Variants in DCDC1 observed in about 807,000 individuals in gnomAD.
DCDC1 encodes doublecortin domain-containing protein 1.
In DCDC1, 200 loss-of-function variants were observed where a neutral mutation model predicts 178.3. That is an observed-to-expected ratio of 1.12 (90% CI 1.00 to 1.26). The LOEUF (loss-of-function observed/expected upper bound fraction) is 1.26. Ranked by LOEUF, DCDC1 falls within the 50% of genes most tolerant of loss-of-function variation. DCDC1 has a pLI of 0.00. For synonymous variants in DCDC1, 690 were observed against 604.8 expected (o/e 1.14, Z -2.07); for missense variants, 1,983 against 1,749.2 (o/e 1.13, Z -2.38).
chr11:31,175,762 C>T (rs1246611875), intron 9 of DCDC1, among the ~76,000 whole-genome samples: 3 of 152,210 alleles, frequency 2.0e-5, no homozygotes, highest in Admixed American at 2.0e-4. Context: ...CAAACTCTCA[C>T]AGGCTAGGCC....
chr11:31,124,685 A>C (rs1220172472), intron 11 of DCDC1, among the ~76,000 whole-genome samples: 2 of 152,176 alleles, frequency 1.3e-5, no homozygotes, highest in African/African-American at 2.4e-5. Flanking sequence ...CAATGGGGAA[A>C]AGATTCCCTA....
chr11:31,023,582 T>A (rs111355139), intron 20 of DCDC1, among the ~76,000 whole-genome samples: 1,963 of 152,108 alleles, frequency 0.013, 50 homozygotes, highest in African/African-American at 0.044. Context: ...TAGAAACATA[T>A]AATTACATAC....
chr11:31,280,682 G>C, intron 7 of DCDC1: 1 of 532,720 alleles, frequency 1.9e-6, no homozygotes, highest in South Asian at 1.6e-5. Flanking sequence ...TCATTTAGTA[G>C]CTTTTTTAAG....
rs570293374 is a variant in DCDC1 at position 31,336,690 on chromosome 11, T to G, written c.-124-1126A>C. Among the ~76,000 whole-genome samples the G allele has an allele frequency of 2.6e-5, 4 of 152,358 alleles. No individual in the cohort carries two copies. In the East Asian group the frequency reaches 7.7e-4, roughly 29 times the overall value. The stretch of plus-strand genomic sequence containing the variant: ...TCTGCCAATATCCATTCCTTGTTCC[T>G]TCTACAAAACTAGAATCCCTGATTT... On this transcript the variant is annotated intron_variant, in intron 1 of 38. Coordinates refer to ENST00000684477, the MANE Select transcript of DCDC1 (RefSeq NM_001387274.1).
intron 20 of DCDC1, among the ~76,000 whole-genome samples, chr11:30,979,428 C>T (rs1590640826): frequency 6.6e-6 from 1 of 152,126 alleles, no homozygotes; most frequent in Non-Finnish European, 1.5e-5. Context: ...TCTGAACAAA[C>T]CTTTAAATAC....
chr11:31,144,104 G>C (rs1964162000), intron 9 of DCDC1, among the ~76,000 whole-genome samples: 1 of 152,026 alleles, frequency 6.6e-6, no homozygotes, highest in Non-Finnish European at 1.5e-5. Flanking sequence ...AACTTACTTA[G>C]CACTTAAAGA....
intron 21 of DCDC1, among the ~76,000 whole-genome samples, chr11:30,941,093 T>G (rs1034802817): frequency 6.6e-6 from 1 of 152,220 alleles, no homozygotes; most frequent in African/African-American, 2.4e-5. Flanking sequence ...GCTTGCATTA[T>G]TAGACTATAT....
chr11:31,039,939 T>A (rs1954318889), intron 20 of DCDC1, among the ~76,000 whole-genome samples: 1 of 152,114 alleles, frequency 6.6e-6, no homozygotes, highest in Non-Finnish European at 1.5e-5. Flanking sequence ...TTTATTGAGG[T>A]GGCTACAATC....
At chr11:31,347,166 A>G (rs1277694803) in intron 1 of DCDC1, among the ~76,000 whole-genome samples, 1 of 152,188 alleles carries the variant, frequency 6.6e-6, no homozygotes, top group East Asian at 1.9e-4. Context: ...CAGAGCTGAC[A>G]AACAACCTCC....
chr11:31,357,554 T>A (rs2133353572), intron 1 of DCDC1, among the ~76,000 whole-genome samples: 1 of 152,190 alleles, frequency 6.6e-6, no homozygotes, highest in East Asian at 1.9e-4. Flanking sequence ...CTCTCACCAC[T>A]CCTATTCAAC....
At chr11:31,367,495 T>C (rs1380349361) in intron 1 of DCDC1, among the ~76,000 whole-genome samples, 1 of 152,160 alleles carries the variant, frequency 6.6e-6, no homozygotes, top group African/African-American at 2.4e-5. Context: ...TGTATGGAGA[T>C]AATAGGGGAG....
chr11:31,038,074 T>TGGGGG (rs59067878), intron 20 of DCDC1, among the ~76,000 whole-genome samples: 6 of 95,694 alleles, frequency 6.3e-5, no homozygotes, highest in Non-Finnish European at 8.7e-5. Context: ...GGGCCTGTTG[T>TGGGGG]TGGGGGAGGG....
chr11:31,307,823 G>T lies in DCDC1; in HGVS notation c.250C>A (p.His84Asn), dbSNP rs753296691. The T allele has an allele frequency of 1.7e-5, 27 of 1,614,022 alleles. No homozygotes were observed. Among genetic ancestry groups the T allele is most frequent in the Admixed American group, 6.7e-5 (4 of 59,996 alleles). ...GACCCTTCTGATACTGCTGCTGAAT[G>T]CACGAGTCTGTTGGGGCCAAACTGA... ...QSQFGPNRLV[H>N]SAAVSEGSGL... Residue 84 changes from histidine to asparagine, a missense_variant, in exon 4 of 39, where the codon CAT becomes AAT. Transcript: ENST00000684477.
intron 20 of DCDC1, among the ~76,000 whole-genome samples, chr11:31,017,418 AT>A (rs1276999485): frequency 1.3e-5 from 2 of 152,078 alleles, no homozygotes; most frequent in Non-Finnish European, 2.9e-5. Context: ...TCTTTAGCTT[AT>A]TTTATTGTAA....
intron 17 of DCDC1, among the ~76,000 whole-genome samples, chr11:31,088,734 TGA>T (rs2135640380): frequency 6.6e-6 from 1 of 152,330 alleles, no homozygotes; most frequent in African/African-American, 2.4e-5. Flanking sequence ...GTTTTGTTTT[TGA>T]CACACAGGCT....
chr11:31,235,521 C>A (rs1976342349), intron 9 of DCDC1, among the ~76,000 whole-genome samples: 1 of 151,790 alleles, frequency 6.6e-6, no homozygotes, highest in Non-Finnish European at 1.5e-5. Flanking sequence ...TATTCAGTCA[C>A]AAGTACAGAG....
At position 30,938,710 on chromosome 11, in the gene DCDC1, A is replaced by G. The variant is rs1405028542; in HGVS notation, c.2716-6758T>C. 2.0e-5 allele frequency among the ~76,000 whole-genome samples: 3 copies of G among 152,256 alleles called. No individual in the cohort carries two copies. The East Asian group carries it at 5.8e-4, about 29-fold the overall frequency. ...AATCTTAGGCCAAAAGACCGAAGGC[A>G]TACTAACGGGGTCTTTGGGCCAGAT... On this transcript the variant is annotated intron_variant, in intron 21 of 38. Coordinates refer to ENST00000684477, the MANE Select transcript of DCDC1 (RefSeq NM_001387274.1).
chr11:31,237,136 T>C (rs1270022710), intron 9 of DCDC1, among the ~76,000 whole-genome samples: 1 of 151,992 alleles, frequency 6.6e-6, no homozygotes, highest in Non-Finnish European at 1.5e-5. Context: ...AATTATATTA[T>C]ACTATTGTTT....
intron 2 of DCDC1, among the ~76,000 whole-genome samples, chr11:31,332,222 G>A (rs926449609): frequency 3.2e-4 from 48 of 152,138 alleles, no homozygotes; most frequent in African/African-American, 1.1e-3. Flanking sequence ...GATTAGTGGT[G>A]ATATCCCCTT....
Sources: allele counts gnomAD v4.1 joint callset (sites outside exome capture counted in the v4.1 genomes callset), GRCh38; gene constraint gnomAD v4.1.1; transcripts MANE v1.5; gene names NCBI Gene and HGNC (gene_info 2026-07-23, HGNC 2026-07-21).